MLLT3: variants seen among roughly 807,000 people sequenced by gnomAD.
MLLT3 encodes the protein MLLT3 super elongation complex subunit.
A neutral mutation model predicts 53.2 loss-of-function variants in MLLT3; 4 were observed. That is an observed-to-expected ratio of 0.08 (90% confidence interval 0.04 to 0.17). MLLT3 has a LOEUF of 0.17. MLLT3 is among the 10% of genes least tolerant of loss of function. The probability of loss-of-function intolerance (pLI) is 1.00; values close to 1 mark genes in which losing one functional copy is unlikely to be tolerated. For synonymous variants in MLLT3, 283 were observed against 230.6 expected (o/e 1.23, Z -2.06); for missense variants, 569 against 684.0 (o/e 0.83, Z 1.87).
At chr9:20,419,061 A>T (rs1822944982) in intron 4 of MLLT3, among the ~76,000 whole-genome samples, 1 of 152,202 alleles carries the variant, frequency 6.6e-6, no homozygotes, top group African/African-American at 2.4e-5. Context: ...TGACATACTT[A>T]AGGGTGGGAG....
chr9:20,463,283 G>A (rs560898256), intron 2 of MLLT3, among the ~76,000 whole-genome samples: 1 of 147,872 alleles, frequency 6.8e-6, no homozygotes, highest in African/African-American at 2.6e-5. Flanking sequence ...CAAGGGGGTG[G>A]GGGGGAGGAG....
Position 20,345,325 on chromosome 9 carries a change from A to G in MLLT3, c.*1118T>C. On this transcript the variant is annotated 3_prime_UTR_variant, in exon 11 of 11. Transcript: ENST00000380338. ...AGATTTTAATTTTTTCAAATATAAAAGTGTCTAAGAGAATCATATGTGAAC... is the reference window on the plus strand; with the variant it reads ...AGATTTTAATTTTTTCAAATATAAAGGTGTCTAAGAGAATCATATGTGAAC... 4.7e-6 allele frequency: 1 copy of G among 211,458 alleles called. No individual in the cohort carries two copies. 13.1% of individuals were successfully genotyped at this position (211,458 alleles called of 1,614,324 possible). A position where few individuals can be genotyped will look rare whatever the true frequency, so the allele number is the denominator to read the frequency against.
At chr9:20,503,638 T>C (rs893919453) in intron 2 of MLLT3, among the ~76,000 whole-genome samples, 1 of 152,074 alleles carries the variant, frequency 6.6e-6, no homozygotes, top group African/African-American at 2.4e-5. Flanking sequence ...TTCTGGGTGA[T>C]GATTCTTTGG....
chr9:20,583,888 G>A (rs1031593125), intron 2 of MLLT3, among the ~76,000 whole-genome samples: 3 of 152,192 alleles, frequency 2.0e-5, no homozygotes, highest in African/African-American at 7.2e-5. Context: ...TGGTCTTGGG[G>A]ATTAACATTA....
At chr9:20,507,415 T>G (rs1825409048) in intron 2 of MLLT3, among the ~76,000 whole-genome samples, 1 of 152,142 alleles carries the variant, frequency 6.6e-6, no homozygotes, top group African/African-American at 2.4e-5. Context: ...GCTCAAAACT[T>G]CCTTCATTTT....
chr9:20,504,754 A>G (rs1379529866), intron 2 of MLLT3, among the ~76,000 whole-genome samples: 2 of 152,180 alleles, frequency 1.3e-5, no homozygotes, highest in African/African-American at 4.8e-5. Flanking sequence ...ACAAAACATG[A>G]TGAGTACCTG....
intron 2 of MLLT3, among the ~76,000 whole-genome samples, chr9:20,587,434 G>C (rs1280707778): frequency 6.6e-6 from 1 of 152,062 alleles, no homozygotes. Context: ...CAGTGCATAA[G>C]AGAGCCAAAA....
At chr9:20,496,581 T>C (rs190020987) in intron 2 of MLLT3, among the ~76,000 whole-genome samples, 4 of 152,284 alleles carry the variant, frequency 2.6e-5, no homozygotes, top group African/African-American at 7.2e-5. Flanking sequence ...AGCACTACAA[T>C]TACAAAGCTC....
chr9:20,359,145 C>CAAAAAAAAA (rs920197622), intron 8 of MLLT3, among the ~76,000 whole-genome samples: 3 of 20,982 alleles, frequency 1.4e-4, no homozygotes, highest in African/African-American at 4.7e-4. Flanking sequence ...AACTCCATCT[C>CAAAAAAAAA]AAAAAAAAAA....
chr9:20,586,322 A>AG (rs1337450534), intron 2 of MLLT3, among the ~76,000 whole-genome samples: 1 of 151,428 alleles, frequency 6.6e-6, no homozygotes, highest in African/African-American at 2.4e-5. Context: ...CCCATCTCAG[A>AG]GAAAAAAAAA....
chr9:20,490,749 A>G (rs147866668), intron 2 of MLLT3, among the ~76,000 whole-genome samples: 271 of 152,368 alleles, frequency 1.8e-3, no homozygotes, highest in African/African-American at 6.2e-3. Context: ...AACTTACCAT[A>G]TGCAAGTATT....
At chr9:20,428,410 ATGTT>A (rs1180785839) in intron 4 of MLLT3, among the ~76,000 whole-genome samples, 1 of 151,980 alleles carries the variant, frequency 6.6e-6, no homozygotes, top group Non-Finnish European at 1.5e-5. Context: ...AAACGTTTTA[ATGTT>A]TTTAAAAAAA....
In MLLT3 at chr9:20,575,804, A is replaced by G. The variant is rs537878658; in HGVS notation, c.193+44850T>C. Among the ~76,000 whole-genome samples the G allele has an allele frequency of 4.6e-5, 7 of 152,350 alleles. 1 individual carries two copies. Among genetic ancestry groups the G allele is most frequent in the South Asian group, 2.1e-4 (1 of 4,830 alleles). ...AGAGCACAGGCAGAGTAGATTTAGC[A>G]TAAGTCTTAAGGACACTAGGATTTT... On this transcript the variant is annotated intron_variant, in intron 2 of 10. Transcript: ENST00000380338.
intron 2 of MLLT3, among the ~76,000 whole-genome samples, chr9:20,605,492 G>A (rs941370144): frequency 6.6e-6 from 1 of 151,920 alleles, no homozygotes; most frequent in Middle Eastern, 3.2e-3. Context: ...TAATAACCAC[G>A]GGTTCATACT....
At chr9:20,366,317 T>C (rs1201228348) in intron 5 of MLLT3, among the ~76,000 whole-genome samples, 1 of 152,180 alleles carries the variant, frequency 6.6e-6, no homozygotes, top group Non-Finnish European at 1.5e-5. Context: ...GTTCCTGTGT[T>C]AGTTTGCTGA....
At chr9:20,515,124 T>A (rs1335696066) in intron 2 of MLLT3, among the ~76,000 whole-genome samples, 1 of 151,978 alleles carries the variant, frequency 6.6e-6, no homozygotes, top group Non-Finnish European at 1.5e-5. Flanking sequence ...TTTTTTGTAT[T>A]TCTAGCAGAG....
intron 2 of MLLT3, among the ~76,000 whole-genome samples, chr9:20,597,837 T>C (rs772005218): frequency 6.6e-6 from 1 of 152,224 alleles, no homozygotes; most frequent in Admixed American, 6.5e-5. Context: ...TCTGCCATTC[T>C]ATAGAAGCTT....
At chr9:20,485,605 T>C (rs6475441) in intron 2 of MLLT3, among the ~76,000 whole-genome samples, 100,675 of 151,824 alleles carry the variant, frequency 0.66, 33,664 homozygotes, top group Middle Eastern at 0.78. Flanking sequence ...AATAATATAA[T>C]GCAGACACTA....
At chr9:20,542,429 T>C (rs1449368574) in intron 2 of MLLT3, among the ~76,000 whole-genome samples, 1 of 152,064 alleles carries the variant, frequency 6.6e-6, no homozygotes, top group Non-Finnish European at 1.5e-5. Context: ...TTTTTGTATT[T>C]TTAGTAGAGA....
Sources: allele counts gnomAD v4.1 joint callset (sites outside exome capture counted in the v4.1 genomes callset), GRCh38; gene constraint gnomAD v4.1.1; transcripts MANE v1.5; gene names NCBI Gene and HGNC (gene_info 2026-07-23, HGNC 2026-07-21).